Variants in TENM2 observed in about 807,000 individuals in gnomAD.
TENM2 encodes teneurin transmembrane protein 2, also known as teneurin-2.
TENM2 carries 52 observed loss-of-function variants against 245.2 expected under a neutral mutation model. The observed-to-expected ratio is 0.21, with a 90% CI of 0.17 to 0.27. The LOEUF (loss-of-function observed/expected upper bound fraction) is 0.27, where lower values mean the gene tolerates loss of function less well. Ranked by LOEUF, TENM2 falls within the 10% of genes least tolerant of loss-of-function variation. TENM2 has a pLI of 1.00. For synonymous variants in TENM2, 1,363 were observed against 1,438.9 expected (o/e 0.95, Z 1.19); for missense variants, 3,046 against 3,666.8 (o/e 0.83, Z 4.37).
chr5:167,430,293 C>T (rs148968552), intron 2 of TENM2, among the ~76,000 whole-genome samples: 6 of 152,266 alleles, frequency 3.9e-5, no homozygotes, highest in East Asian at 1.9e-4. Flanking sequence ...ATGGCCATCA[C>T]GATCAATCAA....
chr5:168,220,546 G>A (rs1242219516), intron 23 of TENM2, among the ~76,000 whole-genome samples: 1 of 151,978 alleles, frequency 6.6e-6, no homozygotes, highest in Admixed American at 6.6e-5. Context: ...TTTTCATAAT[G>A]TAGATAAATC....
chr5:167,496,438 T>G (rs1006816166), intron 2 of TENM2, among the ~76,000 whole-genome samples: 2 of 152,098 alleles, frequency 1.3e-5, no homozygotes, highest in African/African-American at 4.8e-5. Flanking sequence ...ACAACAACAA[T>G]CAGTTAGTAA....
chr5:167,989,465 CT>C (rs1427696213), intron 4 of TENM2, among the ~76,000 whole-genome samples: 1 of 152,082 alleles, frequency 6.6e-6, no homozygotes, highest in African/African-American at 2.4e-5. Flanking sequence ...CAAAGTGTGT[CT>C]TTTTGTGTGG....
intron 2 of TENM2, among the ~76,000 whole-genome samples, chr5:167,850,177 T>G (rs1450921014): frequency 2.6e-5 from 4 of 152,192 alleles, no homozygotes; most frequent in Non-Finnish European, 5.9e-5. Flanking sequence ...CAAAAGACAT[T>G]CATATCTCCA....
At chr5:168,253,595 G>A (rs913327359) in intron 27 of TENM2, among the ~76,000 whole-genome samples, 4 of 151,060 alleles carry the variant, frequency 2.6e-5, no homozygotes, top group African/African-American at 9.7e-5. Flanking sequence ...CCGGCTAATT[G>A]TTTGTATTTT....
intron 3 of TENM2, among the ~76,000 whole-genome samples, chr5:167,927,376 G>A (rs774266193): frequency 9.2e-5 from 14 of 152,166 alleles, no homozygotes; most frequent in Admixed American, 2.6e-4. Context: ...AATAGTGCCT[G>A]TGAGCATCTT....
At chr5:168,120,298 G>T (rs1006097551) in intron 10 of TENM2, among the ~76,000 whole-genome samples, 1 of 152,166 alleles carries the variant, frequency 6.6e-6, no homozygotes, top group African/African-American at 2.4e-5. Flanking sequence ...AAAGAATTGG[G>T]AGTTTGGATG....
At chr5:167,848,369 G>C (rs904561121) in intron 2 of TENM2, among the ~76,000 whole-genome samples, 6 of 152,146 alleles carry the variant, frequency 3.9e-5, no homozygotes, top group African/African-American at 1.4e-4. Flanking sequence ...AAAGTGGAGA[G>C]TGCATATGTA....
At chr5:167,158,933 T>C in the TENM2 span, among the ~76,000 whole-genome samples, 3 of 146,044 alleles carry the variant, frequency 2.1e-5, no homozygotes, top group African/African-American at 7.7e-5. Flanking sequence ...TCTCTCTCTC[T>C]CCTTCTTTCT....
At chr5:167,730,578 A>G (rs1020012669) in intron 2 of TENM2, among the ~76,000 whole-genome samples, 1 of 151,386 alleles carries the variant, frequency 6.6e-6, no homozygotes, top group Non-Finnish European at 1.5e-5. Flanking sequence ...CTCCCACTCT[A>G]CTCCCCCGTC....
intron 1 of TENM2, among the ~76,000 whole-genome samples, chr5:167,320,597 A>T (rs983368930): frequency 1.3e-5 from 2 of 152,202 alleles, no homozygotes; most frequent in African/African-American, 2.4e-5. Flanking sequence ...GGCATGATTA[A>T]GTCATGAGAG....
intron 4 of TENM2, chr5:167,965,246 A>T (rs1369881604): frequency 1.3e-5 from 2 of 152,188 alleles, no homozygotes; most frequent in Non-Finnish European, 2.9e-5. Context: ...TGTGGCAGAA[A>T]ACAAAAGTTC....
intron 2 of TENM2, among the ~76,000 whole-genome samples, chr5:167,695,861 C>A (rs1368980533): frequency 6.6e-6 from 1 of 151,576 alleles, no homozygotes; most frequent in African/African-American, 2.4e-5. Flanking sequence ...GATGAAACCC[C>A]GTCTCTGCTA....
chr5:167,379,674 C>A (rs1157566246), intron 2 of TENM2, among the ~76,000 whole-genome samples: 1 of 152,038 alleles, frequency 6.6e-6, no homozygotes, highest in Non-Finnish European at 1.5e-5. Context: ...ACAGAGAATG[C>A]CTGGAACAGA....
chr5:166,993,532 G>C, the TENM2 span, among the ~76,000 whole-genome samples: 27 of 152,178 alleles, frequency 1.8e-4, no homozygotes, highest in Admixed American at 1.7e-3. Flanking sequence ...GCGGTTGGAA[G>C]ACAGTTTTCC....
intron 3 of TENM2, among the ~76,000 whole-genome samples, chr5:167,911,319 G>T (rs1308714189): frequency 6.6e-6 from 1 of 152,148 alleles, no homozygotes; most frequent in African/African-American, 2.4e-5. Flanking sequence ...GAGGTCAGGA[G>T]ATCGAGACCA....
the TENM2 span, among the ~76,000 whole-genome samples, chr5:167,186,564 G>A: frequency 6.6e-6 from 1 of 152,268 alleles, no homozygotes; most frequent in East Asian, 1.9e-4. Flanking sequence ...TTCCCTTTGG[G>A]AGACCAAATT....
chr5:168,014,502 A>G lies in TENM2; in HGVS notation c.1186+21320A>G, dbSNP rs542977226. Among the ~76,000 whole-genome samples the G allele has an allele frequency of 3.3e-5, 5 of 152,258 alleles. No homozygotes were observed. The South Asian group carries it at 1.0e-3, about 32-fold the overall frequency. On this transcript the variant is annotated intron_variant, in intron 5 of 28. Transcript: ENST00000518659. Reference sequence around the variant, plus strand: ...GGTATAATAGGTTTCCTGCTCATCAATGCCAAATAAGGGTAGACAAGTTGA... The same window carrying G: ...GGTATAATAGGTTTCCTGCTCATCAGTGCCAAATAAGGGTAGACAAGTTGA...
At chr5:167,663,791 C>T (rs889075406) in intron 2 of TENM2, among the ~76,000 whole-genome samples, 3 of 151,904 alleles carry the variant, frequency 2.0e-5, no homozygotes, top group South Asian at 2.1e-4. Context: ...AACATATATG[C>T]GTCAAATTTT....
Sources: allele counts gnomAD v4.1 joint callset (sites outside exome capture counted in the v4.1 genomes callset), GRCh38; gene constraint gnomAD v4.1.1; transcripts MANE v1.5; gene names NCBI Gene and HGNC (gene_info 2026-07-23, HGNC 2026-07-21).